Variants in DLGAP1 observed in about 807,000 individuals in gnomAD.
The protein encoded by DLGAP1 is disks large-associated protein 1.
Under a neutral mutation model 90.8 loss-of-function variants are expected in DLGAP1, and 11 were observed. The ratio of observed to expected loss-of-function variants is 0.12; its 90% confidence interval spans 0.08 to 0.20. DLGAP1 has a LOEUF of 0.20. Ranked by LOEUF, DLGAP1 falls within the 10% of genes least tolerant of loss-of-function variation. DLGAP1 has a pLI of 1.00. For missense variants in DLGAP1, 1,050 were observed against 1,333.8 expected (o/e 0.79, Z 3.31); for synonymous variants, 558 against 540.7 (o/e 1.03, Z -0.44).
At chr18:3,647,129 CG>C (rs1218747453) in intron 7 of DLGAP1, among the ~76,000 whole-genome samples, 1 of 151,656 alleles carries the variant, frequency 6.6e-6, no homozygotes, top group Admixed American at 6.6e-5. Context: ...TGGCTTATGG[CG>C]GTAATCCCAG....
intron 4 of DLGAP1, among the ~76,000 whole-genome samples, chr18:3,869,076 C>T (rs189464165): frequency 2.2e-3 from 334 of 152,056 alleles, no homozygotes; most frequent in African/African-American, 6.2e-3. Flanking sequence ...GTCCTGTTGA[C>T]TTACCAGAGC....
chr18:4,266,193 A>T (rs570031161), intron 1 of DLGAP1, among the ~76,000 whole-genome samples: 1 of 152,294 alleles, frequency 6.6e-6, no homozygotes, highest in South Asian at 2.1e-4. Flanking sequence ...TTAGCCAACC[A>T]ACCTCCATCA....
At chr18:3,788,160 A>G (rs1480954136) in intron 5 of DLGAP1, among the ~76,000 whole-genome samples, 1 of 152,240 alleles carries the variant, frequency 6.6e-6, no homozygotes, top group East Asian at 1.9e-4. Context: ...AGAGGGGTAT[A>G]CAAGCATCTG....
chr18:4,228,443 C>T (rs1284290424), intron 1 of DLGAP1, among the ~76,000 whole-genome samples: 1 of 151,906 alleles, frequency 6.6e-6, no homozygotes, highest in Non-Finnish European at 1.5e-5. Context: ...AAATCCTCAA[C>T]AAAATACTAG....
intron 1 of DLGAP1, among the ~76,000 whole-genome samples, chr18:4,319,377 A>T (rs897369687): frequency 6.6e-6 from 1 of 152,182 alleles, no homozygotes; most frequent in Non-Finnish European, 1.5e-5. Context: ...CATTTAGTGG[A>T]TGTCTAATTA....
At chr18:3,598,541 C>T (rs1445961015) in intron 7 of DLGAP1, among the ~76,000 whole-genome samples, 1 of 146,262 alleles carries the variant, frequency 6.8e-6, no homozygotes, top group African/African-American at 2.5e-5. Flanking sequence ...AATCTTGGCT[C>T]ACTGCATCCT....
chr18:4,073,487 C>T (rs1408515162), intron 2 of DLGAP1, among the ~76,000 whole-genome samples: 1 of 152,070 alleles, frequency 6.6e-6, no homozygotes, highest in Admixed American at 6.6e-5. Flanking sequence ...ATTTTCAAAT[C>T]AGGGAAGTCA....
Position 3,498,183 on chromosome 18 carries a change from T to C in DLGAP1, c.*1002A>G, listed in dbSNP as rs550363206. On this transcript the variant is annotated 3_prime_UTR_variant, in exon 13 of 13. Transcript: ENST00000315677. ...ATTTACAGCGCTTTATAAGCAGATA[T>C]GTACTTATATATGTGGAATCAGGTA... 6.6e-6 allele frequency: 1 copy of C among 152,322 alleles called. No homozygotes were observed. The highest frequency in any genetic ancestry group is 2.1e-4 in the South Asian group (1 of 4,826). 9.4% of individuals were successfully genotyped at this position (152,322 alleles called of 1,614,324 possible).
intron 5 of DLGAP1, among the ~76,000 whole-genome samples, chr18:3,754,425 T>C (rs1178465887): frequency 1.3e-5 from 2 of 152,154 alleles, no homozygotes; most frequent in African/African-American, 4.8e-5. Flanking sequence ...TATTGAAATT[T>C]TTTTTTTGGA....
chr18:4,076,036 A>G lies in DLGAP1; in HGVS notation c.-158-70835T>C, dbSNP rs146940461. 2.0e-3 allele frequency among the ~76,000 whole-genome samples: 300 copies of G among 152,240 alleles called. 1 individual carries two copies. The highest frequency in any genetic ancestry group is 6.5e-3 in the African/African-American group (270 of 41,536). On this transcript the variant is annotated intron_variant, in intron 2 of 12. Transcript: ENST00000315677. ...TCCCTTTCTCGCTCTCTGTCTGCCA[A>G]TGCCTATTGCATTTCCTCAAAAATA...
chr18:4,206,595 A>G (rs970854), intron 1 of DLGAP1, among the ~76,000 whole-genome samples: 91,589 of 151,920 alleles, frequency 0.6, 28,419 homozygotes, highest in East Asian at 0.75. Flanking sequence ...ATCAGCATGC[A>G]TGGCTCTGCC....
intron 1 of DLGAP1, among the ~76,000 whole-genome samples, chr18:4,379,162 G>A (rs981005574): frequency 5.3e-5 from 8 of 152,166 alleles, no homozygotes; most frequent in African/African-American, 1.9e-4. Context: ...CAGGGGCTAT[G>A]TGTACTAATT....
intron 2 of DLGAP1, among the ~76,000 whole-genome samples, chr18:4,045,962 TA>T (rs1262904543): frequency 2.0e-5 from 3 of 152,090 alleles, no homozygotes; most frequent in Admixed American, 2.0e-4. Context: ...TTAAAAGAGA[TA>T]AAAACCAGAC....
intron 2 of DLGAP1, among the ~76,000 whole-genome samples, chr18:4,060,644 A>T (rs550196136): frequency 6.6e-6 from 1 of 152,294 alleles, no homozygotes; most frequent in African/African-American, 2.4e-5. Flanking sequence ...TTGCACAACA[A>T]CTTGCAGTAC....
At chr18:3,964,512 T>C (rs1182766885) in intron 3 of DLGAP1, among the ~76,000 whole-genome samples, 4 of 152,034 alleles carry the variant, frequency 2.6e-5, no homozygotes, top group Non-Finnish European at 5.9e-5. Flanking sequence ...TGAGCAATGC[T>C]GGGAAAAGGG....
intron 10 of DLGAP1, among the ~76,000 whole-genome samples, chr18:3,519,945 A>G (rs2051076394): frequency 1.3e-5 from 2 of 152,176 alleles, no homozygotes; most frequent in Admixed American, 1.3e-4. Flanking sequence ...CTTAAAACCT[A>G]GATGACAGGT....
At chr18:4,125,613 C>T (rs1222946611) in intron 2 of DLGAP1, among the ~76,000 whole-genome samples, 1 of 151,996 alleles carries the variant, frequency 6.6e-6, no homozygotes, top group Admixed American at 6.6e-5. Flanking sequence ...CCCAGGAAGG[C>T]TGAGCTGTGC....
intron 2 of DLGAP1, among the ~76,000 whole-genome samples, chr18:4,062,433 C>A (rs1352639380): frequency 6.6e-6 from 1 of 152,138 alleles, no homozygotes; most frequent in Non-Finnish European, 1.5e-5. Context: ...AAGAATGTCA[C>A]TTTCTGACAG....
intron 1 of DLGAP1, among the ~76,000 whole-genome samples, chr18:4,432,589 A>AGTGTGTGTGT (rs545618675): frequency 2.2e-4 from 24 of 111,472 alleles, no homozygotes; most frequent in Admixed American, 9.5e-4. Context: ...CACCTCACAT[A>AGTGTGTGTGT]GTGTGTGTGT....
Sources: allele counts gnomAD v4.1 joint callset (sites outside exome capture counted in the v4.1 genomes callset), GRCh38; gene constraint gnomAD v4.1.1; transcripts MANE v1.5; gene names NCBI Gene and HGNC (gene_info 2026-07-23, HGNC 2026-07-21).